PDE6A: variants seen among roughly 807,000 people sequenced by gnomAD.
PDE6A encodes rod cGMP-specific 3',5'-cyclic phosphodiesterase subunit alpha.
PDE6A carries 84 observed loss-of-function variants against 106.3 expected under a neutral mutation model. The observed-to-expected ratio is 0.79, with a 90% confidence interval of 0.66 to 0.95. The LOEUF is 0.95. PDE6A is among the 40% of genes least tolerant of loss of function. PDE6A has a pLI of 0.00. For synonymous variants in PDE6A, 394 were observed against 386.6 expected (o/e 1.02, Z -0.23); for missense variants, 1,052 against 1,084.9 (o/e 0.97, Z 0.43).
chr5:149,884,199 A>AAAAT, intron 16 of PDE6A, among the ~76,000 whole-genome samples: 2 of 142,340 alleles, frequency 1.4e-5, no homozygotes, highest in South Asian at 4.4e-4. Flanking sequence ...AAAAAAAAAA[A>AAAAT]ATATATATAT....
rs574933630 is a variant in PDE6A, at chr5:149,907,021, C to T, written c.1065+291G>A. On this transcript the variant is annotated intron_variant, in intron 7 of 21. Coordinates refer to ENST00000255266, the MANE Select transcript of PDE6A (RefSeq NM_000440.3). ...TCCTGACCTCAGGTGATCCACCTGC[C>T]TCGGCCCCCCAAAGTTCTGGGATTA... Among the ~76,000 whole-genome samples, 3 of 152,324 alleles carry T rather than the reference C, an allele frequency of 2.0e-5. No individual in the cohort carries two copies. In the South Asian group the frequency reaches 6.2e-4, roughly 32 times the overall value.
chr5:149,934,357 G>A (rs922982365), intron 2 of PDE6A, among the ~76,000 whole-genome samples: 3 of 152,250 alleles, frequency 2.0e-5, no homozygotes, highest in Non-Finnish European at 4.4e-5. Flanking sequence ...AGCTATTGGC[G>A]GAGCCAGAAC....
At chr5:149,923,550 TAACATAACATAACATAACATAACATAACA>T (rs768703961) in intron 4 of PDE6A, among the ~76,000 whole-genome samples, 8,616 of 138,196 alleles carry the variant, frequency 0.062, 551 homozygotes, top group African/African-American at 0.16. Flanking sequence ...TAACATAACA[TAACATAACATAACATAACATAACATAACA>T]AACAACAACA....
intron 7 of PDE6A, among the ~76,000 whole-genome samples, chr5:149,905,846 T>A (rs1753160406): frequency 6.6e-6 from 1 of 152,122 alleles, no homozygotes; most frequent in African/African-American, 2.4e-5. Flanking sequence ...GCTAGAGTTA[T>A]CTTTCTTTTC....
intron 18 of PDE6A, 134 bp from the exon 19 acceptor site, chr5:149,867,933 C>A: frequency 9.1e-7 from 1 of 1,100,228 alleles, no homozygotes. Context: ...CTCACTTTTG[C>A]TGTCATCACT....
chr5:149,861,598 T>C (rs1157155636), intron 21 of PDE6A, among the ~76,000 whole-genome samples: 1 of 152,194 alleles, frequency 6.6e-6, no homozygotes, highest in African/African-American at 2.4e-5. Context: ...TGCAGTGAGC[T>C]ATGATCGTGC....
At chr5:149,905,386 T>C (rs998002820) in intron 7 of PDE6A, among the ~76,000 whole-genome samples, 13 of 152,214 alleles carry the variant, frequency 8.5e-5, no homozygotes, top group Non-Finnish European at 1.9e-4. Context: ...TCTCTCTCCA[T>C]GGCATCAGAA....
At chr5:149,933,119 A>T (rs969443394) in intron 3 of PDE6A, among the ~76,000 whole-genome samples, 1 of 152,140 alleles carries the variant, frequency 6.6e-6, no homozygotes, top group Non-Finnish European at 1.5e-5. Context: ...CAGCCTCCCC[A>T]GCAGCTGGGA....
At chr5:149,882,891 C>T (rs1181214121) in intron 17 of PDE6A, among the ~76,000 whole-genome samples, 8 of 152,076 alleles carry the variant, frequency 5.3e-5, no homozygotes, top group African/African-American at 2.4e-5. Flanking sequence ...AACCCGGTCT[C>T]GACTAAAAAT....
intron 17 of PDE6A, among the ~76,000 whole-genome samples, chr5:149,876,698 G>T (rs1287309338): frequency 1.3e-5 from 2 of 152,050 alleles, no homozygotes; most frequent in Non-Finnish European, 2.9e-5. Flanking sequence ...TAGAGATGGG[G>T]TTTCACCATG....
At position 149,896,515 on chromosome 5, in the gene PDE6A, T is replaced by C. The variant is rs1427891492; in HGVS notation, c.1474-13A>G. 1 of 1,614,178 alleles carries C rather than the reference T, an allele frequency of 6.2e-7. No individual in the cohort carries two copies. The highest frequency in any genetic ancestry group is 8.5e-7 in the Non-Finnish European group (1 of 1,180,026). On this transcript the variant is annotated splice_polypyrimidine_tract_variant and intron_variant, in intron 11 of 21. Coordinates refer to ENST00000255266, the MANE Select transcript of PDE6A (RefSeq NM_000440.3). ...GCAGCTCCGCTTGCTGTATAAGGAA[T>C]AGAGTCAGGTGATTAGGAAACATGA...
rs1347855754 is a variant in PDE6A at position 149,858,096 on chromosome 5, C to G, written c.*2799G>C. ...TGACAATGGAAAAAAGGAAGGAGTA[C>G]TTTGTAGATTAAAAGAGACTTCAGA... is the stretch of plus-strand genomic sequence containing the variant. On this transcript the variant is annotated 3_prime_UTR_variant, in exon 22 of 22. Transcript: ENST00000255266. 6.6e-6 allele frequency: 1 copy of G among 152,106 alleles called. No individual in the cohort carries two copies. Among genetic ancestry groups the G allele is most frequent in the Non-Finnish European group, 1.5e-5 (1 of 68,028 alleles). The allele number at this position is 152,106 out of a possible 1,614,324, so 9.4% of individuals were successfully genotyped here.
intron 17 of PDE6A, among the ~76,000 whole-genome samples, chr5:149,882,423 C>T (rs1359994161): frequency 6.6e-6 from 1 of 152,076 alleles, no homozygotes; most frequent in African/African-American, 2.4e-5. Flanking sequence ...TGCAACTTTT[C>T]CTGACCATTG....
At position 149,944,464 on chromosome 5, in the gene PDE6A, C is replaced by T. The variant is rs1240142157; in HGVS notation, c.210G>A (p.Glu70=). 6.2e-7 allele frequency: 1 copy of T among 1,614,166 alleles called. No individual in the cohort carries two copies. The change falls in exon 1 of 22, where the codon GAG becomes GAA. Residue 70 remains glutamate, a synonymous_variant. Coordinates refer to ENST00000255266, the MANE Select transcript of PDE6A (RefSeq NM_000440.3). ...IIFDLLRDFQ[E]NLQTEKCIFN... is the part of the protein sequence containing the mutation. Reference sequence around the variant, plus strand: ...AGATGCATTTCTCTGTCTGTAAATTCTCCTGAAAGTCCCGCAGGAGATCAA... The same window carrying T: ...AGATGCATTTCTCTGTCTGTAAATTTTCCTGAAAGTCCCGCAGGAGATCAA...
chr5:149,911,993 A>T (rs146627101), intron 6 of PDE6A, among the ~76,000 whole-genome samples: 2 of 152,158 alleles, frequency 1.3e-5, no homozygotes, highest in Non-Finnish European at 2.9e-5. Context: ...TCTATAAAAC[A>T]CTAACACGCT....
rs55680278 is a variant in PDE6A at position 149,900,375 on chromosome 5, G to GTATA, written c.1114-855_1114-852dup. 1.6e-3 allele frequency among the ~76,000 whole-genome samples: 130 copies of GTATA among 82,596 alleles called. 19 individuals carry two copies. Among genetic ancestry groups the GTATA allele is most frequent in the African/African-American group, 3.0e-3 (80 of 26,240 alleles). The allele number at this position is 82,596 out of a possible 152,430, so 54.2% of individuals were successfully genotyped here. On this transcript the variant is annotated intron_variant, in intron 8 of 21. Coordinates refer to ENST00000255266, the MANE Select transcript of PDE6A (RefSeq NM_000440.3). ...AGACTCCATCTCGAAAAATATATAT[G>GTATA]TATATATATATATATATATATATCC...
chr5:149,903,147 T>TAAAAAAAAAAA (rs373566897), intron 8 of PDE6A, among the ~76,000 whole-genome samples: 11 of 90,952 alleles, frequency 1.2e-4, no homozygotes, highest in Non-Finnish European at 1.5e-4. Context: ...AGACCCTCTC[T>TAAAAAAAAAAA]AAAAAAAAAA....
chr5:149,907,678 C>A (rs150589781), intron 6 of PDE6A, among the ~76,000 whole-genome samples: 2 of 152,354 alleles, frequency 1.3e-5, no homozygotes, highest in East Asian at 3.8e-4. Flanking sequence ...AACACCATCA[C>A]TTCCCTCATA....
chr5:149,862,270 G>A (rs1397481075), intron 21 of PDE6A, among the ~76,000 whole-genome samples: 1 of 152,152 alleles, frequency 6.6e-6, no homozygotes, highest in Non-Finnish European at 1.5e-5. Context: ...GATTCTGAAG[G>A]CAGAACCATG....
Sources: allele counts gnomAD v4.1 joint callset (sites outside exome capture counted in the v4.1 genomes callset), GRCh38; gene constraint gnomAD v4.1.1; transcripts MANE v1.5; gene names NCBI Gene and HGNC (gene_info 2026-07-23, HGNC 2026-07-21).